The following STYK1 variants were observed in gnomAD, a reference collection of about 807,000 sequenced individuals.
The protein encoded by STYK1 is tyrosine-protein kinase STYK1.
In STYK1, 46 loss-of-function variants were observed where a neutral mutation model predicts 48.1. The ratio of observed to expected loss-of-function variants is 0.96; its 90% CI spans 0.75 to 1.22. The LOEUF is 1.22. Ranked by LOEUF, STYK1 falls within the 50% of genes most tolerant of loss-of-function variation. The pLI, the probability that STYK1 is intolerant of heterozygous loss-of-function variation, is 0.00. For missense variants in STYK1, 527 were observed against 521.1 expected, an observed-to-expected ratio of 1.01 and a Z score of -0.11; for synonymous variants, 188 against 189.0, an observed-to-expected ratio of 0.99 and a Z score of 0.04.
intron 6 of STYK1, 151 bp downstream of exon 6, chr12:10,629,342 C>T (rs1250017512): frequency 3.9e-6 from 3 of 774,174 alleles, no homozygotes; most frequent in African/African-American, 1.7e-5. Context: ...TCTATAATTA[C>T]AAAAAGTTCT....
chr12:10,622,936 A>G (rs560670360), intron 8 of STYK1, among the ~76,000 whole-genome samples: 120 of 152,312 alleles, frequency 7.9e-4, no homozygotes, highest in African/African-American at 2.8e-3. Context: ...GTTTGTTATT[A>G]TTTGCAAATG....
At chr12:10,649,859 T>TC (rs1947640828) in intron 1 of STYK1, among the ~76,000 whole-genome samples, 1 of 152,088 alleles carries the variant, frequency 6.6e-6, no homozygotes, top group Non-Finnish European at 1.5e-5. Context: ...ACGCCGGTAA[T>TC]CCCAGCACTT....
intron 1 of STYK1, among the ~76,000 whole-genome samples, chr12:10,670,419 T>C (rs536311149): frequency 6.6e-6 from 1 of 152,126 alleles, no homozygotes; most frequent in East Asian, 1.9e-4. Context: ...AAAATGGAAA[T>C]TGACAACATG....
chr12:10,631,862 A>C (rs1415834913), intron 4 of STYK1, among the ~76,000 whole-genome samples: 1 of 152,166 alleles, frequency 6.6e-6, no homozygotes, highest in Non-Finnish European at 1.5e-5. Flanking sequence ...GGCCAGCAAA[A>C]AAGAGAGGTT....
chr12:10,671,891 A>G (rs1947895093), intron 1 of STYK1, among the ~76,000 whole-genome samples: 1 of 152,224 alleles, frequency 6.6e-6, no homozygotes, highest in African/African-American at 2.4e-5. Flanking sequence ...AATTAAAGAC[A>G]TTAGTTGTTA....
chr12:10,666,230 T>C (rs16922932), intron 1 of STYK1, among the ~76,000 whole-genome samples: 3,021 of 152,262 alleles, frequency 0.02, 79 homozygotes, highest in African/African-American at 0.068. Context: ...ATTTTAAGCC[T>C]TTTTTCACTG....
chr12:10,621,798 C>G (rs1279419940), intron 10 of STYK1, 78 bp downstream of exon 10: 1 of 1,383,396 alleles, frequency 7.2e-7, no homozygotes. Flanking sequence ...CATCTGAGCC[C>G]TTTGAAAAGG....
chr12:10,626,961 C>G (rs1403880314), intron 7 of STYK1, among the ~76,000 whole-genome samples: 1 of 152,088 alleles, frequency 6.6e-6, no homozygotes, highest in East Asian at 1.9e-4. Context: ...GAGCCGAGAT[C>G]GTGCCACTGC....
chr12:10,657,144 A>G (rs1028197864), intron 1 of STYK1, among the ~76,000 whole-genome samples: 2 of 152,190 alleles, frequency 1.3e-5, no homozygotes, highest in African/African-American at 4.8e-5. Context: ...TTTGGGATCC[A>G]AGATCTGGTA....
chr12:10,647,758 G>C (rs1422535303), intron 1 of STYK1, among the ~76,000 whole-genome samples: 1 of 152,112 alleles, frequency 6.6e-6, no homozygotes. Flanking sequence ...TTGAAACATG[G>C]GGGCAGGTCT....
chr12:10,659,383 T>C (rs1947751986), intron 1 of STYK1, among the ~76,000 whole-genome samples: 1 of 152,230 alleles, frequency 6.6e-6, no homozygotes, highest in African/African-American at 2.4e-5. Context: ...GAATGCTTTC[T>C]TTTGCAACAG....
At chr12:10,625,206 TTTTG>T (rs56034548) in intron 7 of STYK1, among the ~76,000 whole-genome samples, 75,408 of 145,818 alleles carry the variant, frequency 0.52, 26,085 homozygotes, top group East Asian at 0.73. Context: ...TTCTTTCTTT[TTTTG>T]TTTGTTTGTT....
At chr12:10,643,989 G>A (rs757650548) in intron 1 of STYK1, among the ~76,000 whole-genome samples, 1 of 152,160 alleles carries the variant, frequency 6.6e-6, no homozygotes, top group Non-Finnish European at 1.5e-5. Context: ...AAATTATTTG[G>A]AATACTACTT....
At chr12:10,668,664 G>A (rs553327037) in intron 1 of STYK1, among the ~76,000 whole-genome samples, 94 of 150,276 alleles carry the variant, frequency 6.3e-4, no homozygotes, top group African/African-American at 2.1e-3. Flanking sequence ...CAAAGTGTTG[G>A]GATTACAGGT....
chr12:10,669,638 C>T (rs1277042508), intron 1 of STYK1, among the ~76,000 whole-genome samples: 3 of 152,108 alleles, frequency 2.0e-5, no homozygotes, highest in Non-Finnish European at 4.4e-5. Flanking sequence ...AATGGGGTTA[C>T]ATCAAACTAA....
intron 1 of STYK1, among the ~76,000 whole-genome samples, chr12:10,661,847 TG>T (rs34932817): frequency 0.56 from 84,626 of 151,464 alleles, 24,017 homozygotes; most frequent in East Asian, 0.77. Flanking sequence ...ATATTACTTG[TG>T]TTTTATAAAT....
chr12:10,663,472 G>A lies in STYK1; in HGVS notation c.-195+10494C>T, dbSNP rs542386811. On this transcript the variant is annotated intron_variant, in intron 1 of 10. Coordinates refer to ENST00000075503, the MANE Select transcript of STYK1 (RefSeq NM_018423.3). ...AAATTAGCCAGGCGCGGTGACAGGC[G>A]CCTGTAGTCCCAGCTACTCGGGAGG... Among the ~76,000 whole-genome samples, 11 of 151,782 alleles carry A rather than the reference G, an allele frequency of 7.2e-5. No individual in the cohort carries two copies. In the East Asian group the frequency reaches 1.6e-3, roughly 21 times the overall value.
At chr12:10,671,057 G>T (rs1310390699) in intron 1 of STYK1, among the ~76,000 whole-genome samples, 1 of 145,522 alleles carries the variant, frequency 6.9e-6, no homozygotes, top group Admixed American at 7.0e-5. Context: ...GTGCAGTGGC[G>T]CGACCTCAGC....
At chr12:10,671,788 G>C (rs1008650713) in intron 1 of STYK1, among the ~76,000 whole-genome samples, 1 of 152,210 alleles carries the variant, frequency 6.6e-6, no homozygotes, top group Non-Finnish European at 1.5e-5. Flanking sequence ...AGCACATGTT[G>C]GTTGGGACTG....
Sources: gnomAD v4.1 joint callset for allele counts (sites outside exome capture counted in the v4.1 genomes callset) on GRCh38, gnomAD v4.1.1 for gene constraint, MANE v1.5 for transcripts, NCBI Gene and HGNC (gene_info 2026-07-23, HGNC 2026-07-21) for gene names.